CCDC149: variants seen among roughly 807,000 people sequenced by gnomAD.
The protein encoded by CCDC149 is coiled-coil domain containing 149, also known as coiled-coil domain-containing protein 149.
In CCDC149, 45 loss-of-function variants were observed where a neutral mutation model predicts 59.9. The observed-to-expected ratio is 0.75, with a 90% CI of 0.59 to 0.96. CCDC149 has a LOEUF of 0.96. Ranked by LOEUF, CCDC149 falls within the 40% of genes least tolerant of loss-of-function variation. The pLI is 0.00. For synonymous variants in CCDC149, 245 were observed against 260.6 expected (o/e 0.94, Z 0.58); for missense variants, 584 against 664.7 (o/e 0.88, Z 1.33).
intron 1 of CCDC149, among the ~76,000 whole-genome samples, chr4:24,893,613 CTTTTTTTTTT>C (rs3066508): frequency 3.0e-5 from 2 of 65,876 alleles, no homozygotes; most frequent in Non-Finnish European, 5.2e-5. Flanking sequence ...AAAATACAGA[CTTTTTTTTTT>C]TTTTTTTTTT....
At chr4:24,886,209 A>G (rs1720169752) in intron 1 of CCDC149, among the ~76,000 whole-genome samples, 1 of 152,254 alleles carries the variant, frequency 6.6e-6, no homozygotes, top group Non-Finnish European at 1.5e-5. Flanking sequence ...ACTGGCCCTT[A>G]TAGACTTGGC....
At chr4:24,938,402 A>G (rs993958134) in intron 1 of CCDC149, among the ~76,000 whole-genome samples, 4 of 152,252 alleles carry the variant, frequency 2.6e-5, no homozygotes, top group African/African-American at 9.6e-5. Context: ...GACTCCAATA[A>G]ATAAATTCTG....
At chr4:24,886,676 T>G (rs3857119) in intron 1 of CCDC149, among the ~76,000 whole-genome samples, 27,937 of 152,120 alleles carry the variant, frequency 0.18, 2,676 homozygotes, top group Non-Finnish European at 0.22. Flanking sequence ...GATTGAAAAA[T>G]AAATGGTGAT....
chr4:24,855,076 A>G (rs1717916181), intron 3 of CCDC149, among the ~76,000 whole-genome samples: 1 of 152,164 alleles, frequency 6.6e-6, no homozygotes, highest in Non-Finnish European at 1.5e-5. Context: ...CTAAAACATA[A>G]GTTCCATGAA....
chr4:24,846,737 C>A (rs1405207236), intron 4 of CCDC149, among the ~76,000 whole-genome samples: 2 of 152,180 alleles, frequency 1.3e-5, no homozygotes, highest in African/African-American at 4.8e-5. Context: ...AAGGGCAAAA[C>A]CCTGTGTTTA....
At position 24,853,021 on chromosome 4, in the gene CCDC149, C is replaced by T. The variant is rs571787979; in HGVS notation, c.372+51G>A. 1.3e-5 allele frequency: 15 copies of T among 1,172,622 alleles called. No individual in the cohort carries two copies. The African/African-American group carries it at 1.7e-4, about 13-fold the overall frequency. The allele number at this position is 1,172,622 out of a possible 1,614,324, so 72.6% of individuals were successfully genotyped here. A position where few individuals can be genotyped will look rare whatever the true frequency, so the allele number is the denominator to read the frequency against. ...TTTCCGATGTGCAATATATAAACCT[C>T]GAACGCACAATGTTGCAGCAGAGCT... On this transcript the variant is annotated intron_variant, in intron 4 of 12. Transcript: ENST00000635206.
chr4:24,966,670 C>T (rs1172242316), intron 1 of CCDC149, among the ~76,000 whole-genome samples: 2 of 152,220 alleles, frequency 1.3e-5, no homozygotes, highest in African/African-American at 4.8e-5. Flanking sequence ...CAATGAAATT[C>T]TCTTAAATTT....
rs367834609 is a variant in CCDC149 at position 24,934,765 on chromosome 4, G to T, written c.-64-39647C>A. Reference sequence around the variant, plus strand: ...GACAGAGGGAACCATGAGGACAAAGGCCTTGAGATAGAAACACTTAGTGTC... The same window carrying T: ...GACAGAGGGAACCATGAGGACAAAGTCCTTGAGATAGAAACACTTAGTGTC... On this transcript the variant is annotated intron_variant, in intron 1 of 12. Coordinates refer to the CCDC149 transcript ENST00000389609. Among the ~76,000 whole-genome samples the T allele has an allele frequency of 1.9e-4, 29 of 152,304 alleles. No individual in the cohort carries two copies. The South Asian group carries it at 5.8e-3, about 30-fold the overall frequency.
chr4:24,834,875 T>A (rs572734823), intron 8 of CCDC149, 73 bp downstream of exon 8: 2 of 1,126,350 alleles, frequency 1.8e-6, no homozygotes, highest in East Asian at 4.9e-5. Context: ...AGCAGCAGCC[T>A]GGATGGGATG....
intron 1 of CCDC149, among the ~76,000 whole-genome samples, chr4:24,879,517 CAAAAAAAAA>C (rs34213743): frequency 8.6e-6 from 1 of 115,960 alleles, no homozygotes; most frequent in African/African-American, 3.2e-5. Flanking sequence ...ACTCTTGTCT[CAAAAAAAAA>C]AAAAAAAAAT....
intron 3 of CCDC149, among the ~76,000 whole-genome samples, chr4:24,871,889 ATATC>A (rs1719065254): frequency 6.6e-6 from 1 of 152,236 alleles, no homozygotes; most frequent in African/African-American, 2.4e-5. Context: ...GCCACAGAAC[ATATC>A]TATCTATGAG....
intron 1 of CCDC149, among the ~76,000 whole-genome samples, chr4:24,978,973 A>C (rs966944038): frequency 2.6e-5 from 4 of 152,178 alleles, no homozygotes; most frequent in Non-Finnish European, 5.9e-5. Flanking sequence ...AGTTACCCCG[A>C]AAAGGAGACC....
chr4:24,937,141 A>G (rs1722807205), intron 1 of CCDC149, among the ~76,000 whole-genome samples: 1 of 152,218 alleles, frequency 6.6e-6, no homozygotes, highest in African/African-American at 2.4e-5. Flanking sequence ...GCAAAGGTAA[A>G]TTTATTAGAA....
intron 1 of CCDC149, among the ~76,000 whole-genome samples, chr4:24,966,820 CTGTT>C (rs1371849737): frequency 6.6e-6 from 1 of 152,198 alleles, no homozygotes. Flanking sequence ...AGAGCCTTTT[CTGTT>C]TGATTAGGGA....
chr4:24,883,013 C>T (rs28454538), intron 1 of CCDC149, among the ~76,000 whole-genome samples: 63,506 of 151,560 alleles, frequency 0.42, 14,404 homozygotes, highest in Non-Finnish European at 0.52. Context: ...ACGTGCCTGT[C>T]CCCCCAGCCT....
downstream of CCDC149, among the ~76,000 whole-genome samples, chr4:24,804,169 G>C (rs773384672): frequency 6.6e-6 from 1 of 152,144 alleles, no homozygotes; most frequent in African/African-American, 2.4e-5. Context: ...AATGAAAGCA[G>C]AGGAAGAAGG....
At chr4:24,833,243 C>A (rs1288780379) in intron 8 of CCDC149, among the ~76,000 whole-genome samples, 1 of 151,532 alleles carries the variant, frequency 6.6e-6, no homozygotes, top group East Asian at 1.9e-4. Flanking sequence ...AAAAAAAACC[C>A]GGCTTTTTTC....
chr4:24,848,641 T>C (rs540625853), intron 4 of CCDC149, among the ~76,000 whole-genome samples: 42 of 152,194 alleles, frequency 2.8e-4, no homozygotes, highest in Non-Finnish European at 4.6e-4. Flanking sequence ...TGCTGGCAAC[T>C]TGGACATGCC....
chr4:24,974,826 A>G (rs1200029849), intron 1 of CCDC149, among the ~76,000 whole-genome samples: 1 of 152,068 alleles, frequency 6.6e-6, no homozygotes, highest in African/African-American at 2.4e-5. Context: ...AGAGACTGGG[A>G]AAAAGGTGAG....
Sources: gnomAD v4.1 joint callset for allele counts (sites outside exome capture counted in the v4.1 genomes callset) on GRCh38, gnomAD v4.1.1 for gene constraint, MANE v1.5 for transcripts, NCBI Gene and HGNC (gene_info 2026-07-23, HGNC 2026-07-21) for gene names.